LAPTM4A: variants seen among roughly 807,000 people sequenced by gnomAD.
The protein encoded by LAPTM4A is lysosomal protein transmembrane 4 alpha, also known as lysosomal-associated transmembrane protein 4A.
Under a neutral mutation model 29.9 loss-of-function variants are expected in LAPTM4A, and 19 were observed. That is an observed-to-expected ratio of 0.64 (90% CI 0.44 to 0.93). The LOEUF (loss-of-function observed/expected upper bound fraction) is 0.93, where lower values mean the gene tolerates loss of function less well. LAPTM4A is among the 40% of genes least tolerant of loss of function. LAPTM4A has a pLI of 0.00. For synonymous variants in LAPTM4A, 105 were observed against 102.1 expected (o/e 1.03, Z -0.17); for missense variants, 293 against 288.5 (o/e 1.02, Z -0.11).
At chr2:20,051,336 CA>C (rs1674065191) in intron 1 of LAPTM4A, 73 bp downstream of exon 1, 5 of 905,446 alleles carry the variant, frequency 5.5e-6, no homozygotes, top group Non-Finnish European at 8.9e-6. Context: ...ACCCCGTTTC[CA>C]GTCTCACCCC....
chr2:20,039,796 G>A (rs1208209625), intron 2 of LAPTM4A, among the ~76,000 whole-genome samples: 1 of 152,208 alleles, frequency 6.6e-6, no homozygotes, highest in Non-Finnish European at 1.5e-5. Context: ...TGGCACGCCT[G>A]TAATCCCAGC....
At chr2:20,035,183 T>C (rs1374803245) in intron 4 of LAPTM4A, 121 bp from the exon 5 acceptor site, 3 of 688,990 alleles carry the variant, frequency 4.4e-6, no homozygotes, top group African/African-American at 3.6e-5. Context: ...AATAAAAATG[T>C]ATAAGCAGAA....
At chr2:20,041,107 A>C in intron 1 of LAPTM4A, 96 bp from the exon 2 acceptor site, 1 of 1,193,940 alleles carries the variant, frequency 8.4e-7, no homozygotes, top group Non-Finnish European at 1.2e-6. Context: ...AGATTGTCTT[A>C]CTTGAAGTAA....
intron 2 of LAPTM4A, among the ~76,000 whole-genome samples, chr2:20,037,868 C>G (rs929963513): frequency 5.3e-5 from 8 of 151,976 alleles, no homozygotes; most frequent in African/African-American, 7.3e-5. Context: ...TGTAGGATGG[C>G]ACATGAACCA....
chr2:20,051,337 A>G, intron 1 of LAPTM4A, 73 bp downstream of exon 1: 1 of 552,924 alleles, frequency 1.8e-6, no homozygotes, highest in Non-Finnish European at 3.1e-6. Context: ...CCCCGTTTCC[A>G]GTCTCACCCC....
At chr2:20,040,513 C>T (rs1399548547) in intron 2 of LAPTM4A, among the ~76,000 whole-genome samples, 1 of 152,212 alleles carries the variant, frequency 6.6e-6, no homozygotes, top group Non-Finnish European at 1.5e-5. Context: ...TGGAGACAGA[C>T]AGACATGGGC....
intron 4 of LAPTM4A, among the ~76,000 whole-genome samples, chr2:20,037,082 T>A (rs1673692704): frequency 6.6e-6 from 1 of 152,178 alleles, no homozygotes; most frequent in South Asian, 2.1e-4. Flanking sequence ...TTCCATAATA[T>A]CCATTTCTAG....
chr2:20,045,114 C>T lies in LAPTM4A; in HGVS notation c.112-4103G>A, dbSNP rs191760547. Among the ~76,000 whole-genome samples, 309 of 152,288 alleles carry T rather than the reference C, an allele frequency of 2.0e-3. 4 individuals carry two copies. The highest frequency in any genetic ancestry group is 7.2e-3 in the African/African-American group (301 of 41,556). ...TCACATGTAAGCCCTGGCAACTTAT[C>T]TCTGATTAAAGTTGATATTTCTAAA... On this transcript the variant is annotated intron_variant, in intron 1 of 6. Transcript: ENST00000175091.
chr2:20,033,484 G>A (rs1673617480), intron 6 of LAPTM4A, among the ~76,000 whole-genome samples: 1 of 151,994 alleles, frequency 6.6e-6, no homozygotes, highest in Non-Finnish European at 1.5e-5. Context: ...GGAGGGTGGA[G>A]AGAGGGAGGT....
At position 20,051,419 on chromosome 2, in the gene LAPTM4A, G is replaced by A. The variant is rs781313936; in HGVS notation, c.102C>T (p.Thr34=). ...CGCCTGCCCGCCTTACCATGTACCA[G>A]GTCCCCAGGATGATCGTCCCGGTGC... ...HVRTGTIILG[T]WYMVVNLLMA... The change falls in exon 1 of 7, where the codon ACC becomes ACT. Residue 34 remains threonine (T), a synonymous_variant. Coordinates refer to ENST00000175091, the MANE Select transcript of LAPTM4A (RefSeq NM_014713.5). 5 of 1,607,898 alleles carry A rather than the reference G, an allele frequency of 3.1e-6. No individual in the cohort carries two copies. The highest frequency in any genetic ancestry group is 1.3e-5 in the African/African-American group (1 of 74,690).
chr2:20,043,499 A>G (rs1423815434), intron 1 of LAPTM4A, among the ~76,000 whole-genome samples: 1 of 152,194 alleles, frequency 6.6e-6, no homozygotes, highest in Non-Finnish European at 1.5e-5. Context: ...TACAGGTGTG[A>G]GCCACTGTGT....
chr2:20,051,622 C>T lies in LAPTM4A; in HGVS notation c.-102G>A, dbSNP rs570988802. ...TCACGGCCTCCAAAACCCAACGACG[C>T]GTCTTCAAACCCGCCCCCGGCTCGT... On this transcript the variant is annotated 5_prime_UTR_variant, in exon 1 of 7. Coordinates refer to ENST00000175091, the MANE Select transcript of LAPTM4A (RefSeq NM_014713.5). 77 of 739,190 alleles carry T rather than the reference C, an allele frequency of 1.0e-4. 1 individual carries two copies. The South Asian group carries it at 1.3e-3, about 13-fold the overall frequency. 45.8% of individuals were successfully genotyped at this position (739,190 alleles called of 1,614,324 possible).
At chr2:20,048,848 C>G (rs1393699749) in intron 1 of LAPTM4A, among the ~76,000 whole-genome samples, 4 of 152,200 alleles carry the variant, frequency 2.6e-5, no homozygotes, top group Admixed American at 6.5e-5. Flanking sequence ...CTTGGACAAG[C>G]CTTCTTTGCT....
chr2:20,048,596 G>T (rs1022171271), intron 1 of LAPTM4A, among the ~76,000 whole-genome samples: 2 of 152,242 alleles, frequency 1.3e-5, no homozygotes, highest in Non-Finnish European at 2.9e-5. Context: ...GATAGCGAGG[G>T]AGAGGGGCTC....
intron 5 of LAPTM4A, 71 bp from the exon 6 acceptor site, chr2:20,034,486 C>T: frequency 9.7e-7 from 1 of 1,026,924 alleles, no homozygotes; most frequent in Non-Finnish European, 1.5e-6. Flanking sequence ...ATGCCAGTGA[C>T]TTAGAATGCT....
intron 1 of LAPTM4A, among the ~76,000 whole-genome samples, chr2:20,042,113 A>C (rs1673812973): frequency 6.6e-6 from 1 of 152,194 alleles, no homozygotes; most frequent in African/African-American, 2.4e-5. Flanking sequence ...CAATTAATGC[A>C]ACCTGAAGTT....
intron 1 of LAPTM4A, among the ~76,000 whole-genome samples, chr2:20,047,393 GA>G (rs1470350919): frequency 3.2e-3 from 301 of 94,120 alleles, no homozygotes; most frequent in Middle Eastern, 5.5e-3. Context: ...TCTCAAAAAA[GA>G]AAAAAAAAAA....
intron 3 of LAPTM4A, 39 bp from the exon 4 acceptor site, chr2:20,037,477 T>C (rs945539813): frequency 1.2e-6 from 2 of 1,603,772 alleles, no homozygotes; most frequent in African/African-American, 1.3e-5. Context: ...GTATCACATA[T>C]AGGAAATTAC....
At chr2:20,047,226 A>G (rs1673944840) in intron 1 of LAPTM4A, among the ~76,000 whole-genome samples, 2 of 145,838 alleles carry the variant, frequency 1.4e-5, no homozygotes, top group South Asian at 4.4e-4. Flanking sequence ...CGTCTCTACT[A>G]AAATACAAAA....
Sources: allele counts gnomAD v4.1 joint callset (sites outside exome capture counted in the v4.1 genomes callset), GRCh38; gene constraint gnomAD v4.1.1; transcripts MANE v1.5; gene names NCBI Gene and HGNC (gene_info 2026-07-23, HGNC 2026-07-21).